Variants in LAMA2 observed in about 807,000 individuals in gnomAD.
LAMA2 encodes laminin subunit alpha 2.
LAMA2 carries 269 observed loss-of-function variants against 364.8 expected under a neutral mutation model. That is an observed-to-expected ratio of 0.74 (90% CI 0.67 to 0.82). The LOEUF is 0.82. Among genes scored for constraint, LAMA2 ranks in the 40% least tolerant of loss-of-function variants. The pLI is 0.00. For missense variants in LAMA2, 3,807 were observed against 3,873.2 expected (o/e 0.98, Z 0.45); for synonymous variants, 1,379 against 1,370.6 (o/e 1.01, Z -0.14).
intron 4 of LAMA2, among the ~76,000 whole-genome samples, chr6:129,101,196 C>T (rs887436753): frequency 6.6e-6 from 1 of 152,106 alleles, no homozygotes; most frequent in Non-Finnish European, 1.5e-5. Flanking sequence ...ATAAATCTCC[C>T]CCTGCTTGAG....
chr6:129,224,422 C>T (rs1394523325), intron 12 of LAMA2, among the ~76,000 whole-genome samples: 1 of 152,090 alleles, frequency 6.6e-6, no homozygotes, highest in Admixed American at 6.6e-5. Context: ...CTGTCTTGTG[C>T]CAGTTTTCAA....
At chr6:129,028,835 A>G (rs904957202) in intron 1 of LAMA2, among the ~76,000 whole-genome samples, 2 of 151,892 alleles carry the variant, frequency 1.3e-5, no homozygotes, top group Non-Finnish European at 3.0e-5. Flanking sequence ...ATATTTCATT[A>G]CATTAATTAT....
intron 1 of LAMA2, among the ~76,000 whole-genome samples, chr6:128,961,322 T>TAGATAG (rs1781481427): frequency 4.4e-5 from 1 of 22,848 alleles, no homozygotes; most frequent in Non-Finnish European, 7.3e-5. Context: ...TAATATGATA[T>TAGATAG]ATATATATAT....
intron 41 of LAMA2, among the ~76,000 whole-genome samples, chr6:129,429,303 G>T (rs1367127991): frequency 6.6e-6 from 1 of 151,842 alleles, no homozygotes; most frequent in Non-Finnish European, 1.5e-5. Context: ...ATAAATTTTT[G>T]GCATTCCATC....
In LAMA2 at chr6:129,089,095, C is replaced by T. The variant is rs141999849; in HGVS notation, c.397-9078C>T. On this transcript the variant is annotated intron_variant, in intron 3 of 64. Coordinates refer to ENST00000421865, the MANE Select transcript of LAMA2 (RefSeq NM_000426.4). ...GGGAGGCCGAGGCTGGCAGATCACT[C>T]GCGGTTAGGAGCTGGAGACCAGCCC... 8.5e-3 allele frequency among the ~76,000 whole-genome samples: 1,290 copies of T among 152,356 alleles called. 20 individuals carry two copies. Among genetic ancestry groups the T allele is most frequent in the African/African-American group, 0.029 (1,219 of 41,582 alleles).
intron 28 of LAMA2, among the ~76,000 whole-genome samples, chr6:129,327,086 C>T (rs1233571877): frequency 6.6e-6 from 1 of 151,938 alleles, no homozygotes; most frequent in Non-Finnish European, 1.5e-5. Context: ...GAATACTATT[C>T]TCAGTTTTAT....
At chr6:128,952,514 A>C (rs1363700581) in intron 1 of LAMA2, among the ~76,000 whole-genome samples, 3 of 152,172 alleles carry the variant, frequency 2.0e-5, no homozygotes, top group African/African-American at 7.2e-5. Context: ...ATAACAAATA[A>C]ATGTTCTTGA....
At chr6:129,278,518 T>A (rs761849010) in intron 17 of LAMA2, among the ~76,000 whole-genome samples, 9 of 152,160 alleles carry the variant, frequency 5.9e-5, no homozygotes, top group Non-Finnish European at 1.3e-4. Flanking sequence ...TTTTTTTTAT[T>A]TTATTTTAAC....
chr6:129,200,661 T>C (rs1323890702), intron 12 of LAMA2, among the ~76,000 whole-genome samples: 5 of 152,002 alleles, frequency 3.3e-5, no homozygotes, highest in Non-Finnish European at 7.4e-5. Flanking sequence ...AAATCTTATC[T>C]GATATAAAGA....
intron 14 of LAMA2, 65 bp downstream of exon 14, chr6:129,252,360 C>A: frequency 8.0e-7 from 1 of 1,250,616 alleles, no homozygotes; most frequent in Non-Finnish European, 1.2e-6. Flanking sequence ...GCAGGAGCCG[C>A]CCCAGGAGTG....
intron 10 of LAMA2, among the ~76,000 whole-genome samples, chr6:129,179,498 G>T (rs904190661): frequency 6.6e-6 from 1 of 152,286 alleles, no homozygotes; most frequent in Non-Finnish European, 1.5e-5. Context: ...GAGAGCTGTA[G>T]TGATTAGCAG....
intron 3 of LAMA2, among the ~76,000 whole-genome samples, chr6:129,066,592 T>C (rs1455391044): frequency 1.8e-5 from 2 of 110,556 alleles, no homozygotes; most frequent in East Asian, 2.7e-4. Context: ...ATCCTAAATA[T>C]TTTATGGAAC....
chr6:129,220,245 A>G (rs1449347356), intron 12 of LAMA2, among the ~76,000 whole-genome samples: 4 of 152,232 alleles, frequency 2.6e-5, no homozygotes, highest in Non-Finnish European at 4.4e-5. Context: ...ATGACTTAAT[A>G]TATTCCTTCA....
At chr6:129,332,407 A>G (rs1273819640) in intron 29 of LAMA2, among the ~76,000 whole-genome samples, 2 of 152,250 alleles carry the variant, frequency 1.3e-5, no homozygotes, top group Admixed American at 6.5e-5. Flanking sequence ...TTATGTTAAC[A>G]TATCTGTAAA....
At chr6:129,200,244 GTATA>G (rs201787324) in intron 12 of LAMA2, among the ~76,000 whole-genome samples, 1 of 122,386 alleles carries the variant, frequency 8.2e-6, no homozygotes, top group Non-Finnish European at 1.7e-5. Flanking sequence ...ATATACATGT[GTATA>G]TATATACGTG....
intron 1 of LAMA2, among the ~76,000 whole-genome samples, chr6:129,020,606 G>A (rs929495792): frequency 7.9e-5 from 12 of 152,302 alleles, no homozygotes; most frequent in African/African-American, 2.4e-4. Flanking sequence ...CTCTAAGGTA[G>A]CAATCCTCAG....
intron 8 of LAMA2, chr6:129,158,753 T>G: frequency 6.2e-7 from 1 of 1,614,150 alleles, no homozygotes; most frequent in Non-Finnish European, 8.5e-7. Flanking sequence ...CCGACAACAT[T>G]CTATTGTCCG....
At chr6:129,424,448 C>A (rs548456957) in intron 40 of LAMA2, among the ~76,000 whole-genome samples, 2 of 148,938 alleles carry the variant, frequency 1.3e-5, no homozygotes, top group Non-Finnish European at 3.0e-5. Context: ...AAGATAACTA[C>A]AAACTAGTAG....
chr6:129,040,288 A>T (rs986886449), intron 1 of LAMA2, among the ~76,000 whole-genome samples: 1 of 152,128 alleles, frequency 6.6e-6, no homozygotes, highest in Non-Finnish European at 1.5e-5. Flanking sequence ...AATAATGGAG[A>T]TGAGTATGTG....
Sources: gnomAD v4.1 joint callset for allele counts (sites outside exome capture counted in the v4.1 genomes callset) on GRCh38, gnomAD v4.1.1 for gene constraint, MANE v1.5 for transcripts, NCBI Gene and HGNC (gene_info 2026-07-23, HGNC 2026-07-21) for gene names.